KCNQ1: variants seen among roughly 807,000 people sequenced by gnomAD.
KCNQ1 encodes the protein potassium voltage-gated channel subfamily KQT member 1.
A neutral mutation model predicts 72.4 loss-of-function variants in KCNQ1; 49 were observed. The ratio of observed to expected loss-of-function variants is 0.68; its 90% CI spans 0.54 to 0.86. KCNQ1 has a LOEUF of 0.86. KCNQ1 is among the 40% of genes least tolerant of loss of function. The pLI is 0.00. For missense variants in KCNQ1, 790 were observed against 945.1 expected, an observed-to-expected ratio of 0.84 and a Z score of 2.15; for synonymous variants, 450 against 412.6, an observed-to-expected ratio of 1.09 and a Z score of -1.10.
At chr11:2,655,150 G>T in intron 10 of KCNQ1, 1 of 398,634 alleles carries the variant, frequency 2.5e-6, no homozygotes, top group Non-Finnish European at 4.4e-6. Context: ...AGGATGCTGT[G>T]CTGAGTTTGA....
At chr11:2,797,784 T>A (rs1847168382) in intron 15 of KCNQ1, among the ~76,000 whole-genome samples, 1 of 152,088 alleles carries the variant, frequency 6.6e-6, no homozygotes, top group Non-Finnish European at 1.5e-5. Flanking sequence ...GGAGCCTGCC[T>A]CACCCTGACC....
intron 15 of KCNQ1, among the ~76,000 whole-genome samples, chr11:2,821,879 T>C (rs1367754352): frequency 1.3e-5 from 2 of 152,190 alleles, no homozygotes; most frequent in Admixed American, 6.5e-5. Context: ...AGTCGTGTCA[T>C]GGCCCCAGTG....
rs935446648 is a variant in KCNQ1, at chr11:2,651,306, T to A, written c.1394-10655T>A. ...GCTTCATGGTGGGCAGCTGGGAAGC[T>A]GCACAGAACACTCCTCAGAGTTCTA... On this transcript the variant is annotated intron_variant, in intron 10 of 15. Transcript: ENST00000155840. The surrounding 1 kb of genome is among the most constrained non-coding windows in gnomAD (Gnocchi z 6.1). 8 of 398,592 alleles carry A rather than the reference T, an allele frequency of 2.0e-5. No individual in the cohort carries two copies. Among genetic ancestry groups the A allele is most frequent in the African/African-American group, 1.4e-4 (7 of 48,652 alleles). The allele number at this position is 398,592 out of a possible 1,614,324, so 24.7% of individuals were successfully genotyped here. A position where few individuals can be genotyped will look rare whatever the true frequency, so the allele number is the denominator to read the frequency against.
Position 2,477,312 on chromosome 11 carries a change from AAGGT to A in KCNQ1, c.386+31832_386+31835del, listed in dbSNP as rs1364423122. 6.6e-6 allele frequency among the ~76,000 whole-genome samples: 1 copy of A among 152,212 alleles called. No homozygotes were observed. The highest frequency in any genetic ancestry group is 1.5e-5 in the Non-Finnish European group (1 of 68,034). On this transcript the variant is annotated intron_variant, in intron 1 of 15. Transcript: ENST00000155840. This position sits in a 1 kb window ranked among gnomAD's most constrained non-coding sequence, Gnocchi z 5.0. ...TTGAACAATTTTTAATGTGGGATCA[AAGGT>A]AGGAAATGCTCTTTACAAAGTCATC...
At chr11:2,558,126 C>A (rs79501631) in intron 2 of KCNQ1, among the ~76,000 whole-genome samples, 3 of 152,228 alleles carry the variant, frequency 2.0e-5, no homozygotes, top group African/African-American at 7.2e-5. Flanking sequence ...CCCTGTAGGG[C>A]GTTATGAGAC....
intron 11 of KCNQ1, among the ~76,000 whole-genome samples, chr11:2,744,661 G>A (rs563359669): frequency 6.6e-5 from 10 of 152,170 alleles, no homozygotes; most frequent in Non-Finnish European, 1.2e-4. Flanking sequence ...TGTGAACTGC[G>A]TCCTTCTTTA....
intron 1 of KCNQ1, among the ~76,000 whole-genome samples, chr11:2,466,312 G>T (rs371380283): frequency 6.6e-6 from 1 of 152,214 alleles, no homozygotes; most frequent in South Asian, 2.1e-4. Flanking sequence ...GTGCTTGCTG[G>T]GGGGAGAAGT....
rs2133559634 is a variant in KCNQ1, at chr11:2,445,245, G to T, written c.147G>T (p.Ala49=). 1.7e-6 allele frequency: 2 copies of T among 1,180,982 alleles called. No individual in the cohort carries two copies. The highest frequency in any genetic ancestry group is 4.1e-5 in the East Asian group (1 of 24,304). 73.2% of individuals were successfully genotyped at this position (1,180,982 alleles called of 1,614,324 possible). The change falls in exon 1 of 16, where the codon GCG becomes GCT. Residue 49 remains alanine, a synonymous_variant. Coordinates refer to ENST00000155840, the MANE Select transcript of KCNQ1 (RefSeq NM_000218.3). ...ELAEGGPAGG[A]LYAPIAPGAP... is the part of the protein sequence containing the mutation. Reference sequence around the variant, plus strand: ...CGGAGGGCGGCCCGGCGGGCGGCGCGCTCTACGCGCCCATCGCGCCCGGCG... The same window carrying T: ...CGGAGGGCGGCCCGGCGGGCGGCGCTCTCTACGCGCCCATCGCGCCCGGCG...
chr11:2,730,722 A>G (rs1442625527), intron 11 of KCNQ1, among the ~76,000 whole-genome samples: 3 of 152,174 alleles, frequency 2.0e-5, no homozygotes, highest in African/African-American at 4.8e-5. Flanking sequence ...GGATTATGGT[A>G]TGAACTGCTG....
intron 1 of KCNQ1, among the ~76,000 whole-genome samples, chr11:2,490,985 C>T (rs184652997): frequency 3.9e-5 from 6 of 152,228 alleles, no homozygotes; most frequent in Admixed American, 2.0e-4. Flanking sequence ...GGATTACAGG[C>T]GTGAGCCACT....
Position 2,817,798 on chromosome 11 carries a change from G to A in KCNQ1, c.1795-29969G>A, listed in dbSNP as rs1847648937. Among the ~76,000 whole-genome samples, 1 of 152,112 alleles carries A rather than the reference G, an allele frequency of 6.6e-6. No homozygotes were observed. The highest frequency in any genetic ancestry group is 6.5e-5 in the Admixed American group (1 of 15,276). ...AAGAGACATGATATCCCCTTGGGCT[G>A]CAACTTAAATTCCAAGGAGAGATCC... On this transcript the variant is annotated intron_variant, in intron 15 of 15. Transcript: ENST00000155840. The surrounding 1 kb of genome is among the most constrained non-coding windows in gnomAD (Gnocchi z 6.1).
intron 1 of KCNQ1, among the ~76,000 whole-genome samples, chr11:2,485,368 A>ACCCCCCCCCCCCCCC (rs1369066834): frequency 3.2e-5 from 1 of 31,104 alleles, no homozygotes; most frequent in Non-Finnish European, 6.6e-5. Context: ...TCCATCCCCC[A>ACCCCCCCCCCCCCCC]CCCCCCCACC....
rs552138076 is a variant in KCNQ1 at position 2,797,552 on chromosome 11, C to T, written c.1794+19515C>T. On this transcript the variant is annotated intron_variant, in intron 15 of 15. Transcript: ENST00000155840. ...TCCTGGCCACCTGCCCCTGCGTACC[C>T]ACCACCCTTGCTCCGGAGCTCGAGG... Among the ~76,000 whole-genome samples the T allele has an allele frequency of 4.6e-5, 7 of 151,914 alleles. No homozygotes were observed. The South Asian group carries it at 1.0e-3, about 23-fold the overall frequency.
intron 7 of KCNQ1, among the ~76,000 whole-genome samples, chr11:2,584,552 AGTGT>A (rs1247999515): frequency 7.6e-6 from 1 of 131,016 alleles, no homozygotes; most frequent in African/African-American, 3.0e-5. Flanking sequence ...TGTTTGTGTT[AGTGT>A]GTATTTGTGT....
rs762867877 is a variant in KCNQ1 at position 2,687,946 on chromosome 11, G to A, written c.1514+25865G>A. ...TGAGGCTGCACTTCTCCCACCCGCT[G>A]TGGGTCAGCCAGGCCGCTGCTTCCT... is the stretch of plus-strand genomic sequence containing the variant. On this transcript the variant is annotated intron_variant, in intron 11 of 15. Transcript: ENST00000155840. The surrounding 1 kb of genome is among the most constrained non-coding windows in gnomAD (Gnocchi z 5.0). The A allele has an allele frequency of 7.7e-4, 306 of 398,700 alleles. 2 individuals carry two copies. Among genetic ancestry groups the A allele is most frequent in the Non-Finnish European group, 1.2e-3 (264 of 226,200 alleles). 24.7% of individuals were successfully genotyped at this position (398,700 alleles called of 1,614,324 possible).
intron 11 of KCNQ1, chr11:2,675,393 T>C (rs1366591682): frequency 5.0e-6 from 2 of 398,502 alleles, no homozygotes; most frequent in East Asian, 3.6e-5. Context: ...AACACAGATA[T>C]TGGGCAAATT....
In KCNQ1 at chr11:2,647,509, C is replaced by T. The variant is rs1431949894; in HGVS notation, c.1394-14452C>T. The stretch of plus-strand genomic sequence containing the variant: ...GGTTTTGGTATCAAGATACTGCTTG[C>T]CTCACAGAATGAGTTAGGGAGAATT... On this transcript the variant is annotated intron_variant, in intron 10 of 15. Transcript: ENST00000155840. This position sits in a 1 kb window ranked among gnomAD's most constrained non-coding sequence, Gnocchi z 4.0. 1 of 398,374 alleles carries T rather than the reference C, an allele frequency of 2.5e-6. No individual in the cohort carries two copies. The highest frequency in any genetic ancestry group is 2.1e-5 in the African/African-American group (1 of 48,594). The allele number at this position is 398,374 out of a possible 1,614,324, so 24.7% of individuals were successfully genotyped here.
intron 11 of KCNQ1, chr11:2,692,202 C>T (rs182096981): frequency 5.3e-5 from 21 of 398,888 alleles, no homozygotes; most frequent in African/African-American, 2.1e-4. Context: ...GGGTCATTTC[C>T]GATACACCCG....
chr11:2,841,796 G>A (rs1402171445), intron 15 of KCNQ1, among the ~76,000 whole-genome samples: 1 of 152,214 alleles, frequency 6.6e-6, no homozygotes, highest in African/African-American at 2.4e-5. Context: ...CCCTTGGGGG[G>A]CCAAGCATCC....
Sources: gnomAD v4.1 joint callset for allele counts (sites outside exome capture counted in the v4.1 genomes callset) on GRCh38, gnomAD v4.1.1 for gene constraint, Gnocchi (gnomAD v3.1) non-coding constraint, MANE v1.5 for transcripts, NCBI Gene and HGNC (gene_info 2026-07-23, HGNC 2026-07-21) for gene names.